ITGAM: variants seen among roughly 807,000 people sequenced by gnomAD.
ITGAM encodes integrin subunit alpha M.
Under a neutral mutation model 137.5 loss-of-function variants are expected in ITGAM, and 79 were observed. That is an observed-to-expected ratio of 0.57 (90% CI 0.48 to 0.69). The LOEUF is 0.69. Ranked by LOEUF, ITGAM falls within the 30% of genes least tolerant of loss-of-function variation. The probability of loss-of-function intolerance (pLI) is 0.00; values close to 1 mark genes in which losing one functional copy is unlikely to be tolerated. For missense variants in ITGAM, 1,343 were observed against 1,483.5 expected (o/e 0.91, Z 1.56); for synonymous variants, 583 against 592.3 (o/e 0.98, Z 0.23).
At position 31,317,295 on chromosome 16, in the gene ITGAM, T is replaced by A. The variant is rs182668293; in HGVS notation, c.1708-3946T>A. ...TGTATTTCTAGTTTGTTGAGGGTTTTTAATCATGAGTGGCTATTCCTGTGG... is the reference window on the plus strand; with the variant it reads ...TGTATTTCTAGTTTGTTGAGGGTTTATAATCATGAGTGGCTATTCCTGTGG... On this transcript the variant is annotated intron_variant, in intron 14 of 29. Transcript: ENST00000544665. Among the ~76,000 whole-genome samples, 11 of 152,308 alleles carry A rather than the reference T, an allele frequency of 7.2e-5. No individual in the cohort carries two copies. In the East Asian group the frequency reaches 1.9e-3, roughly 27 times the overall value.
At chr16:31,331,369 G>A in intron 29 of ITGAM, 94 bp downstream of exon 29, 1 of 792,638 alleles carries the variant, frequency 1.3e-6, no homozygotes, top group Non-Finnish European at 2.1e-6. Context: ...GCTGCCAGCT[G>A]TGTGACTGGG....
chr16:31,283,500 C>G (rs1295874271), intron 12 of ITGAM, among the ~76,000 whole-genome samples: 3 of 152,176 alleles, frequency 2.0e-5, no homozygotes, highest in African/African-American at 7.2e-5. Flanking sequence ...CCTTTCTCCA[C>G]TTGATTGAAT....
rs558932556 is a variant in ITGAM at position 31,271,861 on chromosome 16, G to C, written c.573G>C (p.Gln191His). The change falls in exon 7 of 30, where the codon CAG (glutamine) becomes CAC (histidine). Residue 191 changes from glutamine to histidine, a missense_variant. Physicochemically the swap from Gln to His is conservative, Grantham distance 24. Transcript: ENST00000544665. ...CCCCTCCGCAGTTCTCTTTGATGCA[G>C]TACTCTGAAGAATTCCGGATTCACT... ...KKSKTLFSLM[Q>H]YSEEFRIHFT... 6.2e-7 allele frequency: 1 copy of C among 1,614,036 alleles called. No homozygotes were observed. The highest frequency in any genetic ancestry group is 1.1e-5 in the South Asian group (1 of 91,088).
intron 14 of ITGAM, among the ~76,000 whole-genome samples, chr16:31,302,914 CTCCCTCTTTCTTTCTTTCTT>C (rs2080223620): frequency 6.9e-6 from 1 of 143,958 alleles, no homozygotes; most frequent in Admixed American, 7.0e-5. Flanking sequence ...CTCTCTTTCC[CTCCCTCTTTCTTTCTTTCTT>C]TCTTTCTTTC....
rs201299141 is a variant in ITGAM at position 31,325,385 on chromosome 16, G to T, written c.2486G>T (p.Arg829Leu). ...TTCTTCCCGCTTGACCTGTCCTACC[G>T]GAAGGTGTCCACGCTCCAGGTAGCC... is the stretch of plus-strand genomic sequence containing the variant. ...TFFFPLDLSY[R>L]KVSTLQNQRS... The change falls in exon 20 of 30, where the codon CGG becomes CTG. Residue 829 changes from arginine to leucine, a missense_variant. Physicochemically the swap from Arg to Leu is moderately radical, Grantham distance 102. Transcript: ENST00000544665. The T allele has an allele frequency of 6.2e-7, 1 of 1,613,352 alleles. No individual in the cohort carries two copies. Among genetic ancestry groups the T allele is most frequent in the African/African-American group, 1.3e-5 (1 of 74,910 alleles).
intron 16 of ITGAM, among the ~76,000 whole-genome samples, chr16:31,323,881 C>T (rs1454258133): frequency 1.3e-5 from 2 of 151,950 alleles, no homozygotes; most frequent in East Asian, 1.9e-4. Context: ...GGCGTGGTGG[C>T]ATGTGCCTAT....
At position 31,265,836 on chromosome 16, in the gene ITGAM, C is replaced by T. The variant is rs1567245740; in HGVS notation, c.264C>T (p.Ser88=). The T allele has an allele frequency of 6.2e-7, 1 of 1,613,994 alleles. No individual in the cohort carries two copies. The highest frequency in any genetic ancestry group is 1.1e-5 in the South Asian group (1 of 91,070). ...LQVPVEAVNM[S]LGLSLAATTS... ...TCCCCGTGGAGGCCGTGAACATGTCCCTGGGCCTGTCCCTGGCAGCCACCA... is the reference window on the plus strand; with the variant it reads ...TCCCCGTGGAGGCCGTGAACATGTCTCTGGGCCTGTCCCTGGCAGCCACCA... Residue 88 remains serine, a synonymous_variant, in exon 4 of 30, where the codon TCC becomes TCT. Transcript: ENST00000544665.
intron 29 of ITGAM, 65 bp downstream of exon 29, chr16:31,331,340 C>A: frequency 1.1e-6 from 1 of 935,382 alleles, no homozygotes; most frequent in Non-Finnish European, 1.7e-6. Context: ...CAGCTCCGTG[C>A]CTCGGTTTCC....
intron 8 of ITGAM, among the ~76,000 whole-genome samples, chr16:31,274,606 ATT>A (rs1376285185): frequency 7.5e-6 from 1 of 134,114 alleles, no homozygotes; most frequent in African/African-American, 3.7e-5. Flanking sequence ...TATTTTATTT[ATT>A]TATATTTATT....
chr16:31,265,170 A>G (rs2079750484), intron 2 of ITGAM, among the ~76,000 whole-genome samples: 2 of 152,076 alleles, frequency 1.3e-5, no homozygotes, highest in Non-Finnish European at 2.9e-5. Context: ...GCCTGGTCCT[A>G]TTTTTAAATG....
intron 14 of ITGAM, among the ~76,000 whole-genome samples, chr16:31,313,834 C>T (rs2080361654): frequency 6.6e-6 from 1 of 152,180 alleles, no homozygotes; most frequent in Non-Finnish European, 1.5e-5. Context: ...AACTGATTTA[C>T]ACTCCCACTA....
chr16:31,311,082 T>G (rs955521552), intron 14 of ITGAM, among the ~76,000 whole-genome samples: 1 of 152,156 alleles, frequency 6.6e-6, no homozygotes, highest in African/African-American at 2.4e-5. Context: ...GCTGGCCATA[T>G]GTAGAAAGCT....
intron 5 of ITGAM, among the ~76,000 whole-genome samples, chr16:31,268,938 A>G (rs2079799577): frequency 6.6e-6 from 1 of 152,184 alleles, no homozygotes; most frequent in South Asian, 2.1e-4. Flanking sequence ...GACAGAGCCG[A>G]TTCATCAAGA....
At chr16:31,310,696 G>A (rs909893211) in intron 14 of ITGAM, among the ~76,000 whole-genome samples, 14 of 152,024 alleles carry the variant, frequency 9.2e-5, no homozygotes, top group Non-Finnish European at 1.8e-4. Context: ...CTCTCAACTC[G>A]TCAAAGTGAT....
chr16:31,312,411 T>C (rs920679556), intron 14 of ITGAM, among the ~76,000 whole-genome samples: 7 of 152,162 alleles, frequency 4.6e-5, no homozygotes, highest in South Asian at 2.1e-4. Flanking sequence ...GCCACTGCAT[T>C]AAAATGTATT....
chr16:31,291,906 T>C (rs1195313303), intron 12 of ITGAM, among the ~76,000 whole-genome samples: 1 of 152,090 alleles, frequency 6.6e-6, no homozygotes, highest in Non-Finnish European at 1.5e-5. Context: ...AACAATAATT[T>C]ATTGTGTATT....
In ITGAM at chr16:31,321,137, G is replaced by A. The variant is rs919187137; in HGVS notation, c.1708-104G>A. On this transcript the variant is annotated intron_variant, in intron 14 of 29. Coordinates refer to ENST00000544665, the MANE Select transcript of ITGAM (RefSeq NM_000632.4). ...GTTAGTTGCAAGAGATGAGACTTGA[G>A]TAGAGCTTAGAGAACCTCTGTCTGG... 8 of 1,299,498 alleles carry A rather than the reference G, an allele frequency of 6.2e-6. No homozygotes were observed. The African/African-American group carries it at 1.0e-4, about 17-fold the overall frequency. The allele number at this position is 1,299,498 out of a possible 1,614,324, so 80.5% of individuals were successfully genotyped here.
intron 12 of ITGAM, among the ~76,000 whole-genome samples, chr16:31,289,183 G>T (rs959123810): frequency 6.6e-6 from 1 of 152,162 alleles, no homozygotes; most frequent in African/African-American, 2.4e-5. Context: ...CAACCATTGT[G>T]GAAGACAGTG....
At chr16:31,266,274 G>C (rs1455090176) in intron 5 of ITGAM, 127 bp downstream of exon 5, 4 of 669,342 alleles carry the variant, frequency 6.0e-6, no homozygotes, top group East Asian at 2.7e-5. Context: ...GGTCCCATTA[G>C]AGTCAGAAGC....
Sources: allele counts gnomAD v4.1 joint callset (sites outside exome capture counted in the v4.1 genomes callset), GRCh38; gene constraint gnomAD v4.1.1; transcripts MANE v1.5; gene names NCBI Gene and HGNC (gene_info 2026-07-23, HGNC 2026-07-21).